SLC16A10: variants seen among roughly 807,000 people sequenced by gnomAD.
SLC16A10 encodes the protein monocarboxylate transporter 10.
A neutral mutation model predicts 40.0 loss-of-function variants in SLC16A10; 27 were observed. The ratio of observed to expected loss-of-function variants is 0.67; its 90% CI spans 0.50 to 0.93. The LOEUF (loss-of-function observed/expected upper bound fraction) is 0.93. Among genes scored for constraint, SLC16A10 ranks in the 40% least tolerant of loss-of-function variants. SLC16A10 has a pLI of 0.00. For missense variants in SLC16A10, 529 were observed against 658.2 expected, an observed-to-expected ratio of 0.80 and a Z score of 2.15; for synonymous variants, 213 against 249.8, an observed-to-expected ratio of 0.85 and a Z score of 1.39.
intron 1 of SLC16A10, among the ~76,000 whole-genome samples, chr6:111,111,839 G>A (rs1771391941): frequency 6.6e-6 from 1 of 152,166 alleles, no homozygotes; most frequent in South Asian, 2.1e-4. Context: ...AGTACATACA[G>A]AATGCTGTTC....
chr6:111,143,276 G>T (rs1228685404), intron 1 of SLC16A10, among the ~76,000 whole-genome samples: 1 of 151,782 alleles, frequency 6.6e-6, no homozygotes, highest in African/African-American at 2.4e-5. Flanking sequence ...GGGTCTTGCT[G>T]TGTTGCCCAG....
chr6:111,154,204 T>C (rs1373931496), intron 1 of SLC16A10, among the ~76,000 whole-genome samples: 1 of 152,256 alleles, frequency 6.6e-6, no homozygotes, highest in Non-Finnish European at 1.5e-5. Context: ...AATCCTGTTA[T>C]TATTTCAAAG....
intron 1 of SLC16A10, among the ~76,000 whole-genome samples, chr6:111,148,786 G>C (rs1772123061): frequency 6.6e-6 from 1 of 152,156 alleles, no homozygotes; most frequent in African/African-American, 2.4e-5. Flanking sequence ...TTTTGCCTCA[G>C]TTTCTTTATC....
At chr6:111,185,586 CA>C (rs1772881047) in intron 3 of SLC16A10, among the ~76,000 whole-genome samples, 1 of 152,146 alleles carries the variant, frequency 6.6e-6, no homozygotes, top group South Asian at 2.1e-4. Flanking sequence ...TGAGGCCATG[CA>C]GTTACTTTTC....
At chr6:111,115,665 G>A (rs747472439) in intron 1 of SLC16A10, among the ~76,000 whole-genome samples, 2 of 152,194 alleles carry the variant, frequency 1.3e-5, no homozygotes, top group Non-Finnish European at 2.9e-5. Context: ...CAGGCATGTG[G>A]TATCTAGAAA....
At chr6:111,124,315 AAAACTT>A (rs1280397570) in intron 1 of SLC16A10, among the ~76,000 whole-genome samples, 5 of 152,016 alleles carry the variant, frequency 3.3e-5, no homozygotes, top group Non-Finnish European at 5.9e-5. Context: ...TTAAAAAAAA[AAAACTT>A]AAAGAACTTT....
At position 111,149,381 on chromosome 6, in the gene SLC16A10, T is replaced by A. The variant is rs556948399; in HGVS notation, c.344-23314T>A. 4.0e-4 allele frequency among the ~76,000 whole-genome samples: 61 copies of A among 152,340 alleles called. 1 individual carries two copies. Among genetic ancestry groups the A allele is most frequent in the Middle Eastern group, 3.4e-3 (1 of 294 alleles). The stretch of plus-strand genomic sequence containing the variant: ...CTATGCCACTGTCATGACTCTCCTA[T>A]TCCTGGTAGTGTCATTCTCAGTGTA... On this transcript the variant is annotated intron_variant, in intron 1 of 5. Transcript: ENST00000368851.
At chr6:111,171,326 GTCT>G (rs1341662872) in intron 1 of SLC16A10, among the ~76,000 whole-genome samples, 4 of 152,094 alleles carry the variant, frequency 2.6e-5, no homozygotes, top group Non-Finnish European at 1.5e-5. Flanking sequence ...TAAGATTATA[GTCT>G]TCTTTCTGGT....
chr6:111,099,882 A>G (rs193184380), intron 1 of SLC16A10, among the ~76,000 whole-genome samples: 2 of 151,900 alleles, frequency 1.3e-5, no homozygotes, highest in African/African-American at 4.8e-5. Flanking sequence ...AATTAGCTGG[A>G]CGTGGTGGCA....
At chr6:111,202,754 GCGGGCA>G (rs1284966948) in intron 3 of SLC16A10, among the ~76,000 whole-genome samples, 1 of 151,822 alleles carries the variant, frequency 6.6e-6, no homozygotes, top group Non-Finnish European at 1.5e-5. Context: ...GGGCGTGGTG[GCGGGCA>G]CCTGTAATCC....
intron 1 of SLC16A10, among the ~76,000 whole-genome samples, chr6:111,098,407 T>TA (rs1771115022): frequency 6.6e-6 from 1 of 152,156 alleles, no homozygotes; most frequent in African/African-American, 2.4e-5. Context: ...TTAATTAAAA[T>TA]AAAATTAACA....
Position 111,206,589 on chromosome 6 carries a change from T to C in SLC16A10, c.943-3T>C, listed in dbSNP as rs771820399. ...GTGTGGTTTCTTTCTCTTTGGCCTA[T>C]AGATGAAACATGTAAATGAAAGATT... On this transcript the variant is annotated splice_polypyrimidine_tract_variant and splice_region_variant and intron_variant, in intron 3 of 5. Transcript: ENST00000368851. The C allele has an allele frequency of 6.2e-7, 1 of 1,613,936 alleles. No homozygotes were observed. Among genetic ancestry groups the C allele is most frequent in the Non-Finnish European group, 8.5e-7 (1 of 1,179,934 alleles).
intron 4 of SLC16A10, among the ~76,000 whole-genome samples, chr6:111,214,296 C>G: frequency 6.6e-6 from 1 of 152,170 alleles, no homozygotes; most frequent in Non-Finnish European, 1.5e-5. Context: ...ATTCCTTACT[C>G]GAATCTAACC....
intron 1 of SLC16A10, among the ~76,000 whole-genome samples, chr6:111,164,752 T>C (rs1308537597): frequency 6.6e-6 from 1 of 152,140 alleles, no homozygotes; most frequent in Admixed American, 6.5e-5. Flanking sequence ...AGTGATACTG[T>C]TGAAAAAACA....
chr6:111,184,484 A>ATT (rs56663468), intron 3 of SLC16A10, among the ~76,000 whole-genome samples: 12 of 143,304 alleles, frequency 8.4e-5, no homozygotes, highest in African/African-American at 1.3e-4. Flanking sequence ...ATTGGAAATG[A>ATT]TTTTTTTTTT....
intron 4 of SLC16A10, 119 bp from the exon 5 acceptor site, chr6:111,218,695 A>G: frequency 1.3e-6 from 1 of 762,708 alleles, no homozygotes; most frequent in Non-Finnish European, 2.3e-6. Context: ...AAAGTGAATG[A>G]GGCAGTGGCA....
At chr6:111,111,283 A>G (rs1771381274) in intron 1 of SLC16A10, among the ~76,000 whole-genome samples, 2 of 152,368 alleles carry the variant, frequency 1.3e-5, no homozygotes, top group South Asian at 2.1e-4. Flanking sequence ...TGTATTATGT[A>G]TAACATGATG....
chr6:111,171,356 T>C (rs1479059864), intron 1 of SLC16A10, among the ~76,000 whole-genome samples: 2 of 152,022 alleles, frequency 1.3e-5, no homozygotes, highest in African/African-American at 4.8e-5. Flanking sequence ...AGAAAGAAAA[T>C]AGAAATATGG....
intron 3 of SLC16A10, among the ~76,000 whole-genome samples, chr6:111,204,790 T>G (rs927267719): frequency 2.0e-5 from 3 of 152,198 alleles, no homozygotes; most frequent in African/African-American, 7.2e-5. Flanking sequence ...TCTTTTAAAC[T>G]AAAGGGCTCC....
Sources: allele counts gnomAD v4.1 joint callset (sites outside exome capture counted in the v4.1 genomes callset), GRCh38; gene constraint gnomAD v4.1.1; transcripts MANE v1.5; gene names NCBI Gene and HGNC (gene_info 2026-07-23, HGNC 2026-07-21).